The following SNTG2 variants were observed in gnomAD, a reference collection of about 807,000 sequenced individuals.
SNTG2 encodes the protein syntrophin gamma 2.
Under a neutral mutation model 70.9 loss-of-function variants are expected in SNTG2, and 74 were observed. That is an observed-to-expected ratio of 1.04 (90% CI 0.86 to 1.27). SNTG2 has a LOEUF of 1.27. Ranked by LOEUF, SNTG2 falls within the 50% of genes most tolerant of loss-of-function variation. The pLI is 0.00. For missense variants in SNTG2, 717 were observed against 690.7 expected (o/e 1.04, Z -0.43); for synonymous variants, 278 against 273.8 (o/e 1.02, Z -0.15).
intron 8 of SNTG2, among the ~76,000 whole-genome samples, chr2:1,179,686 T>A: frequency 6.6e-6 from 1 of 151,864 alleles, no homozygotes. Context: ...AAGCTACCAA[T>A]GACTTTCTTC....
chr2:1,061,383 G>A (rs1180536116), intron 1 of SNTG2, among the ~76,000 whole-genome samples: 3 of 152,242 alleles, frequency 2.0e-5, no homozygotes, highest in African/African-American at 7.2e-5. Flanking sequence ...TGCACAACTT[G>A]TGTGCAGAAG....
chr2:1,111,567 G>A lies in SNTG2; in HGVS notation c.325+13157G>A, dbSNP rs1666442027. Among the ~76,000 whole-genome samples, 4 of 152,316 alleles carry A rather than the reference G, an allele frequency of 2.6e-5. 1 individual carries two copies. The South Asian group carries it at 8.3e-4, about 32-fold the overall frequency. On this transcript the variant is annotated intron_variant, in intron 4 of 16. Coordinates refer to ENST00000308624, the MANE Select transcript of SNTG2 (RefSeq NM_018968.4). Reference sequence around the variant, plus strand: ...CTCAAGTTCAGCCAGTGTTATGGCAGGTGTCAGCATCCACCAAAGGGGACC... The same window carrying A: ...CTCAAGTTCAGCCAGTGTTATGGCAAGTGTCAGCATCCACCAAAGGGGACC...
chr2:1,215,356 C>T (rs186833361), intron 9 of SNTG2, among the ~76,000 whole-genome samples: 13 of 152,234 alleles, frequency 8.5e-5, no homozygotes, highest in African/African-American at 3.1e-4. Flanking sequence ...GCAGTGAAGA[C>T]ATCTGGTCTT....
intron 8 of SNTG2, among the ~76,000 whole-genome samples, chr2:1,200,261 T>A (rs1340345914): frequency 2.6e-5 from 4 of 151,856 alleles, no homozygotes; most frequent in African/African-American, 9.7e-5. Context: ...AGAACATACA[T>A]TGGTGAAAGG....
intron 8 of SNTG2, among the ~76,000 whole-genome samples, chr2:1,203,552 G>T (rs944666310): frequency 6.6e-6 from 1 of 151,702 alleles, no homozygotes; most frequent in Non-Finnish European, 1.5e-5. Context: ...TTCTCAGGAG[G>T]CTGGGGCACG....
intron 4 of SNTG2, among the ~76,000 whole-genome samples, chr2:1,127,589 C>T (rs922320471): frequency 1.3e-5 from 2 of 152,008 alleles, no homozygotes; most frequent in Admixed American, 6.6e-5. Context: ...TCTGTGAACA[C>T]GTTATGTCAT....
chr2:1,328,123 G>A (rs1284632972), intron 16 of SNTG2, among the ~76,000 whole-genome samples: 1 of 152,092 alleles, frequency 6.6e-6, no homozygotes, highest in African/African-American at 2.4e-5. Context: ...TCTATCATGA[G>A]AACAGCACTA....
chr2:1,064,047 AAAGAT>A (rs1194212530), intron 1 of SNTG2, among the ~76,000 whole-genome samples: 1 of 152,234 alleles, frequency 6.6e-6, no homozygotes, highest in African/African-American at 2.4e-5. Flanking sequence ...AGAAGATTAA[AAAGAT>A]AAAATACTTA....
At chr2:1,267,787 T>G (rs1678827713) in intron 14 of SNTG2, among the ~76,000 whole-genome samples, 1 of 152,172 alleles carries the variant, frequency 6.6e-6, no homozygotes, top group Non-Finnish European at 1.5e-5. Context: ...AGGAGAGGAT[T>G]TTGTGTCTGT....
At chr2:1,222,448 G>A (rs770569521) in intron 9 of SNTG2, among the ~76,000 whole-genome samples, 2 of 152,346 alleles carry the variant, frequency 1.3e-5, no homozygotes, top group East Asian at 3.9e-4. Context: ...GAACAGGAGG[G>A]GCTTCTTAAG....
chr2:1,280,769 A>G (rs1362244787), intron 14 of SNTG2, among the ~76,000 whole-genome samples: 20 of 152,278 alleles, frequency 1.3e-4, no homozygotes, highest in Non-Finnish European at 7.3e-5. Context: ...TCATTTACAA[A>G]CTTTCTGAAA....
intron 8 of SNTG2, among the ~76,000 whole-genome samples, chr2:1,173,958 C>T (rs1335782338): frequency 6.6e-6 from 1 of 152,210 alleles, no homozygotes; most frequent in Non-Finnish European, 1.5e-5. Flanking sequence ...CCAGTCAAAT[C>T]ATCAAAATGA....
intron 4 of SNTG2, among the ~76,000 whole-genome samples, chr2:1,124,762 A>C (rs1266163924): frequency 1.3e-5 from 2 of 152,182 alleles, no homozygotes; most frequent in Non-Finnish European, 2.9e-5. Context: ...AAGGAGAATA[A>C]TACAGTGGTC....
At chr2:974,233 G>T (rs62105730) in intron 1 of SNTG2, among the ~76,000 whole-genome samples, 11,912 of 152,182 alleles carry the variant, frequency 0.078, 703 homozygotes, top group South Asian at 0.2. Context: ...CATCCTCCGA[G>T]GTGGGCTGCT....
intron 9 of SNTG2, among the ~76,000 whole-genome samples, chr2:1,225,927 G>A (rs2148060076): frequency 6.6e-6 from 1 of 152,004 alleles, no homozygotes; most frequent in East Asian, 1.9e-4. Flanking sequence ...ATTAACACCA[G>A]CCGTGTATTC....
Position 1,137,655 on chromosome 2 carries a change from C to G in SNTG2, c.359C>G (p.Ala120Gly). ...DQTGMLFVGD[A>G]VLQVNGIHVE... Reference sequence around the variant, plus strand: ...ACAGGGATGTTGTTCGTAGGAGATGCTGTTCTCCAGGTCAGTATTGTACAC... The same window carrying G: ...ACAGGGATGTTGTTCGTAGGAGATGGTGTTCTCCAGGTCAGTATTGTACAC... The change falls in exon 5 of 17, where the codon GCT (alanine) becomes GGT (glycine). Residue 120 changes from alanine (A) to glycine (G), a missense_variant. Transcript: ENST00000308624. The G allele has an allele frequency of 1.2e-6, 2 of 1,613,104 alleles. No homozygotes were observed. The highest frequency in any genetic ancestry group is 1.1e-5 in the South Asian group (1 of 90,816).
chr2:1,199,721 C>A (rs552783560), intron 8 of SNTG2, among the ~76,000 whole-genome samples: 11 of 152,066 alleles, frequency 7.2e-5, no homozygotes, highest in African/African-American at 2.4e-4. Context: ...TTTCTCAATA[C>A]CAATAACAAA....
At chr2:1,258,929 C>T (rs1678266701) in intron 12 of SNTG2, among the ~76,000 whole-genome samples, 1 of 152,162 alleles carries the variant, frequency 6.6e-6, no homozygotes, top group African/African-American at 2.4e-5. Context: ...AGACTGTCTA[C>T]ACAATATTTT....
At chr2:1,163,928 A>T (rs1670516980) in intron 6 of SNTG2, among the ~76,000 whole-genome samples, 1 of 152,184 alleles carries the variant, frequency 6.6e-6, no homozygotes, top group Admixed American at 6.5e-5. Flanking sequence ...GGCCATGGGA[A>T]CTTTCAAACT....
Sources: gnomAD v4.1 joint callset for allele counts (sites outside exome capture counted in the v4.1 genomes callset) on GRCh38, gnomAD v4.1.1 for gene constraint, MANE v1.5 for transcripts, NCBI Gene and HGNC (gene_info 2026-07-23, HGNC 2026-07-21) for gene names.